Variants in BRD1 observed in about 807,000 individuals in gnomAD.
BRD1 encodes bromodomain-containing protein 1.
Under a neutral mutation model 107.7 loss-of-function variants are expected in BRD1, and 24 were observed. The ratio of observed to expected loss-of-function variants is 0.22; its 90% CI spans 0.16 to 0.31. The LOEUF is 0.31. BRD1 is among the 10% of genes least tolerant of loss of function. The pLI is 1.00. For missense variants in BRD1, 1,279 were observed against 1,638.6 expected, an observed-to-expected ratio of 0.78 and a Z score of 3.79; for synonymous variants, 744 against 686.1, an observed-to-expected ratio of 1.08 and a Z score of -1.32.
intron 2 of BRD1, among the ~76,000 whole-genome samples, chr22:49,808,962 C>G (rs937475962): frequency 3.3e-5 from 5 of 151,026 alleles, no homozygotes; most frequent in Admixed American, 6.6e-5. Context: ...ACTAAAAATA[C>G]AAAAAAATTA....
At chr22:49,776,006 T>G in intron 11 of BRD1, 44 bp downstream of exon 11, 1 of 1,554,788 alleles carries the variant, frequency 6.4e-7, no homozygotes, top group Non-Finnish European at 8.7e-7. Flanking sequence ...CGCAGCTGTG[T>G]GAGCCTCCTC....
chr22:49,779,245 T>G (rs1393085558), intron 8 of BRD1, among the ~76,000 whole-genome samples: 1 of 152,170 alleles, frequency 6.6e-6, no homozygotes, highest in Non-Finnish European at 1.5e-5. Flanking sequence ...CTGCGGGATT[T>G]TCCACCCGCT....
At position 49,774,386 on chromosome 22, in the gene BRD1, G is replaced by C. The variant is rs1483560779; in HGVS notation, c.3417C>G (p.Pro1139=). 6.2e-7 allele frequency: 1 copy of C among 1,612,026 alleles called. No homozygotes were observed. Among genetic ancestry groups the C allele is most frequent in the African/African-American group, 1.3e-5 (1 of 74,876 alleles). The change falls in exon 13 of 13, where the codon CCC becomes CCG. Residue 1139 remains proline, a synonymous_variant. Coordinates refer to ENST00000404760, the MANE Select transcript of BRD1 (RefSeq NM_001304808.3). The part of the protein sequence containing the change: ...WQWLPKSKMV[P]LGIDETIDKL... ...TGTCTATAGTTTCGTCAATACCAAG[G>C]GGAACCATTTTGGACTTAGGAAGCC... is the stretch of plus-strand genomic sequence containing the variant.
intron 8 of BRD1, among the ~76,000 whole-genome samples, chr22:49,780,318 C>A (rs1418266974): frequency 6.6e-6 from 1 of 152,228 alleles, no homozygotes; most frequent in African/African-American, 2.4e-5. Flanking sequence ...TAAAATGCCC[C>A]TCTTAATTTT....
chr22:49,816,709 G>A (rs1489635580), intron 2 of BRD1, among the ~76,000 whole-genome samples: 2 of 152,174 alleles, frequency 1.3e-5, no homozygotes, highest in East Asian at 3.8e-4. Flanking sequence ...GATCAGCCTG[G>A]ACAACATAGT....
intron 8 of BRD1, among the ~76,000 whole-genome samples, chr22:49,784,622 A>G (rs539556919): frequency 6.6e-6 from 1 of 152,380 alleles, no homozygotes; most frequent in Non-Finnish European, 1.5e-5. Context: ...AAAATGCCAG[A>G]TAACTCCCTA....
At position 49,775,093 on chromosome 22, in the gene BRD1, G is replaced by A. The variant is rs1402768247; in HGVS notation, c.3386+498C>T. Among the ~76,000 whole-genome samples the A allele has an allele frequency of 2.0e-5, 3 of 152,326 alleles. No individual in the cohort carries two copies. In the East Asian group the frequency reaches 5.8e-4, roughly 29 times the overall value. On this transcript the variant is annotated intron_variant, in intron 12 of 12. Coordinates refer to ENST00000404760, the MANE Select transcript of BRD1 (RefSeq NM_001304808.3). ...TCTTGGGGTCTAAACCCTGGCACATGAGGGTCCCAGACGCTCTGGGGAAAA... is the reference window on the plus strand; with the variant it reads ...TCTTGGGGTCTAAACCCTGGCACATAAGGGTCCCAGACGCTCTGGGGAAAA...
At position 49,803,195 on chromosome 22, in the gene BRD1, G is replaced by A. The variant is rs983545052; in HGVS notation, c.1524+1009C>T. ...CGGCAGGTGACTGAACAGGGCTCACGCTGCAGAGGCAGAGTCTGCGAGGCA... is the reference window on the plus strand; with the variant it reads ...CGGCAGGTGACTGAACAGGGCTCACACTGCAGAGGCAGAGTCTGCGAGGCA... On this transcript the variant is annotated intron_variant, in intron 3 of 12. Transcript: ENST00000404760. The surrounding 1 kb of genome is among the most constrained non-coding windows in gnomAD (Gnocchi z 4.4). 1.3e-5 allele frequency among the ~76,000 whole-genome samples: 2 copies of A among 152,242 alleles called. No individual in the cohort carries two copies. Among genetic ancestry groups the A allele is most frequent in the Admixed American group, 6.5e-5 (1 of 15,288 alleles).
In BRD1 at chr22:49,824,352, A is replaced by G; in HGVS notation, c.-14-21T>C. On this transcript the variant is annotated intron_variant, in intron 1 of 12. Coordinates refer to ENST00000404760, the MANE Select transcript of BRD1 (RefSeq NM_001304808.3). The surrounding 1 kb of genome is among the most constrained non-coding windows in gnomAD (Gnocchi z 5.9). ...ATTACCTAAAATGAAGGCAAAAGTAAAGGTAATTCTACGCAGGGTGACCAA... is the reference window on the plus strand; with the variant it reads ...ATTACCTAAAATGAAGGCAAAAGTAGAGGTAATTCTACGCAGGGTGACCAA... 6.2e-7 allele frequency: 1 copy of G among 1,607,184 alleles called. No homozygotes were observed. The highest frequency in any genetic ancestry group is 8.5e-7 in the Non-Finnish European group (1 of 1,175,498).
At chr22:49,780,381 G>C (rs76884898) in intron 8 of BRD1, among the ~76,000 whole-genome samples, 1 of 152,224 alleles carries the variant, frequency 6.6e-6, no homozygotes, top group Non-Finnish European at 1.5e-5. Context: ...GAGGTTCTGC[G>C]TGTCACCCAT....
At chr22:49,813,466 C>T (rs539624722) in intron 2 of BRD1, among the ~76,000 whole-genome samples, 2 of 151,818 alleles carry the variant, frequency 1.3e-5, no homozygotes, top group Admixed American at 1.3e-4. Context: ...TCGTGATCCG[C>T]CCCCCTTGGC....
chr22:49,815,381 A>G lies in BRD1; in HGVS notation c.1367+7570T>C, dbSNP rs927856903. Among the ~76,000 whole-genome samples the G allele has an allele frequency of 2.1e-4, 32 of 152,196 alleles. No homozygotes were observed. The Middle Eastern group carries it at 0.01, about 49-fold the overall frequency. ...AACGTGACGAAACCCCATCTCCACT[A>G]AAAACACAAAAATTAGTTGGGCGTG... On this transcript the variant is annotated intron_variant, in intron 2 of 12. Transcript: ENST00000404760.
chr22:49,818,327 T>C (rs767160468), intron 2 of BRD1: 1 of 1,275,084 alleles, frequency 7.8e-7, no homozygotes, highest in South Asian at 1.3e-5. Context: ...ACACAGGCCG[T>C]CTGCCTGCTG....
chr22:49,797,701 G>GT, intron 6 of BRD1, 104 bp downstream of exon 6: 6 of 1,203,884 alleles, frequency 5.0e-6, no homozygotes, highest in Non-Finnish European at 6.8e-6. Flanking sequence ...TTGCATGCTA[G>GT]TGGCTCCCGG....
Position 49,827,783 on chromosome 22 carries a change from A to AGCGGGCGGCGGGCG in BRD1, c.-315_-302dup, listed in dbSNP as rs977924844. On this transcript the variant is annotated 5_prime_UTR_variant, in exon 1 of 13. Transcript: ENST00000404760. ...CGGCGGGCGCGGGCGCGGGCGCGGG[A>AGCGGGCGGCGGGCG]GCGGGCGGCGGGCGGCGGGCGCGGG... 7.3e-6 allele frequency among the ~76,000 whole-genome samples: 1 copy of AGCGGGCGGCGGGCG among 136,308 alleles called. No individual in the cohort carries two copies. The highest frequency in any genetic ancestry group is 2.7e-5 in the African/African-American group (1 of 36,370). 89.4% of individuals were successfully genotyped at this position (136,308 alleles called of 152,430 possible).
At position 49,790,653 on chromosome 22, in the gene BRD1, G is replaced by A. The variant is rs553094999; in HGVS notation, c.2360-2766C>T. On this transcript the variant is annotated intron_variant, in intron 7 of 12. Coordinates refer to ENST00000404760, the MANE Select transcript of BRD1 (RefSeq NM_001304808.3). ...AAAGGTTTCTGTATCGAAGCCACAA[G>A]ACGCTTTGGAAAATCACAGCGTAAC... Among the ~76,000 whole-genome samples, 618 of 152,336 alleles carry A rather than the reference G, an allele frequency of 4.1e-3. 2 individuals are homozygous for A. Among genetic ancestry groups the A allele is most frequent in the Non-Finnish European group, 6.6e-3 (447 of 68,026 alleles).
intron 2 of BRD1, among the ~76,000 whole-genome samples, chr22:49,816,883 C>T (rs1383561914): frequency 2.0e-5 from 3 of 152,250 alleles, no homozygotes; most frequent in East Asian, 3.8e-4. Flanking sequence ...CCAAGGCCCG[C>T]CACCCAAGGC....
At chr22:49,775,452 G>A (rs1163530203) in intron 12 of BRD1, 139 bp downstream of exon 12, 27 of 842,522 alleles carry the variant, frequency 3.2e-5, no homozygotes, top group African/African-American at 8.8e-5. Context: ...GGCAAACAGC[G>A]GAGCACTCAC....
chr22:49,805,812 G>C (rs999157788), intron 2 of BRD1: 1 of 149,214 alleles, frequency 6.7e-6, no homozygotes, highest in Admixed American at 6.8e-5. Context: ...CGCAATTTCA[G>C]CTCACTGCAA....
Sources: gnomAD v4.1 joint callset for allele counts (sites outside exome capture counted in the v4.1 genomes callset) on GRCh38, gnomAD v4.1.1 for gene constraint, Gnocchi (gnomAD v3.1) non-coding constraint, MANE v1.5 for transcripts, NCBI Gene and HGNC (gene_info 2026-07-23, HGNC 2026-07-21) for gene names.